Variants in CABIN1 observed in about 807,000 individuals in gnomAD.
CABIN1 encodes calcineurin binding protein 1.
In CABIN1, 133 loss-of-function variants were observed where a neutral mutation model predicts 227.7. The ratio of observed to expected loss-of-function variants is 0.58; its 90% confidence interval spans 0.51 to 0.67. The LOEUF (loss-of-function observed/expected upper bound fraction) is 0.67, where lower values mean the gene tolerates loss of function less well. Among genes scored for constraint, CABIN1 ranks in the 30% least tolerant of loss-of-function variants. CABIN1 has a pLI of 0.00. For synonymous variants in CABIN1, 1,086 were observed against 1,155.1 expected, an observed-to-expected ratio of 0.94 and a Z score of 1.21; for missense variants, 2,408 against 2,852.5, an observed-to-expected ratio of 0.84 and a Z score of 3.55.
intron 27 of CABIN1, among the ~76,000 whole-genome samples, chr22:24,115,479 A>G (rs997757076): frequency 6.6e-6 from 1 of 152,324 alleles, no homozygotes; most frequent in Middle Eastern, 3.4e-3. Flanking sequence ...TTCCATGGCC[A>G]TGTTGCTCCT....
intron 20 of CABIN1, 134 bp from the exon 21 acceptor site, chr22:24,084,445 G>A (rs1425481787): frequency 2.5e-6 from 2 of 808,230 alleles, no homozygotes; most frequent in African/African-American, 1.7e-5. Context: ...GTATAATGGG[G>A]ATTTGTTTTA....
In CABIN1 at chr22:24,169,436, C is replaced by T. The variant is rs527877551; in HGVS notation, c.5757+915C>T. On this transcript the variant is annotated intron_variant, in intron 33 of 36. Coordinates refer to ENST00000263119, the MANE Select transcript of CABIN1 (RefSeq NM_012295.4). The stretch of plus-strand genomic sequence containing the variant: ...GGAATGGAGCCTCAGGCCCCCACCA[C>T]CTGCCTGGGCTATTACGTCTGCGGA... 4.6e-5 allele frequency among the ~76,000 whole-genome samples: 7 copies of T among 152,330 alleles called. No homozygotes were observed. The South Asian group carries it at 1.5e-3, about 32-fold the overall frequency.
intron 31 of CABIN1, among the ~76,000 whole-genome samples, chr22:24,166,329 TG>T (rs1366828651): frequency 2.0e-5 from 3 of 152,212 alleles, no homozygotes; most frequent in Admixed American, 1.3e-4. Context: ...TGGGCAATGC[TG>T]CCCCAGCTCA....
chr22:24,095,978 C>T lies in CABIN1; in HGVS notation c.3834C>T (p.Pro1278=), dbSNP rs761936081. ...CCATCCTGAAGCTCCTGGGGAAGCC[C>T]GATTCTGGGGTTGGTGCAGAGGTCC... is the stretch of plus-strand genomic sequence containing the variant. ...HASILKLLGK[P]DSGVGAEVLV... Residue 1278 remains proline (P), a synonymous_variant, in exon 25 of 37, where the codon CCC becomes CCT. Coordinates refer to ENST00000263119, the MANE Select transcript of CABIN1 (RefSeq NM_012295.4). The T allele has an allele frequency of 5.6e-6, 9 of 1,614,028 alleles. No homozygotes were observed. Among genetic ancestry groups the T allele is most frequent in the Non-Finnish European group, 7.6e-6 (9 of 1,179,990 alleles).
Position 24,064,194 on chromosome 22 carries a change from G to A in CABIN1, c.2037+7G>A. On this transcript the variant is annotated splice_region_variant and intron_variant, in intron 15 of 36. Transcript: ENST00000263119. ...TGTGGTTTCCCTGGAGGAGGTAAGT[G>A]AGAATTTTCGTTTGTTTGTTTGTTT... 8.1e-6 allele frequency: 13 copies of A among 1,614,132 alleles called. No homozygotes were observed. The highest frequency in any genetic ancestry group is 1.0e-5 in the Non-Finnish European group (12 of 1,180,024).
Position 24,161,447 on chromosome 22 carries a change from G to A in CABIN1, c.4747-2953G>A, listed in dbSNP as rs117687181. On this transcript the variant is annotated intron_variant, in intron 29 of 36. Transcript: ENST00000263119. The stretch of plus-strand genomic sequence containing the variant: ...GTGGAACTGGGAGAGGCGAGGCAAG[G>A]GGTACGGCCAGAGCAGCGGGACCCA... Among the ~76,000 whole-genome samples, 56 of 152,292 alleles carry A rather than the reference G, an allele frequency of 3.7e-4. No individual in the cohort carries two copies. In the East Asian group the frequency reaches 0.011, roughly 29 times the overall value.
rs149965767 is a variant in CABIN1 at position 24,083,225 on chromosome 22, C to T, written c.2749-3C>T. On this transcript the variant is annotated splice_region_variant and splice_polypyrimidine_tract_variant and intron_variant, in intron 19 of 36. Coordinates refer to ENST00000263119, the MANE Select transcript of CABIN1 (RefSeq NM_012295.4). ...CTCAGGCCATCTCTTCTGCCCACCA[C>T]AGGTGCGAGTACTCCAGAAGGAACT... The T allele has an allele frequency of 5.0e-3, 8,067 of 1,612,144 alleles. 31 individuals are homozygous for T. The highest frequency in any genetic ancestry group is 5.8e-3 in the Non-Finnish European group (6,858 of 1,179,948).
At position 24,117,546 on chromosome 22, in the gene CABIN1, G is replaced by T. The variant is rs376964103; in HGVS notation, c.4301-1821G>T. On this transcript the variant is annotated intron_variant, in intron 27 of 36. Transcript: ENST00000263119. ...CAGGGGTTTTTTTGTTTGTTTTTTT[G>T]GGGGGGGGGTTAGGTTTAATAGGCA... 5.0e-3 allele frequency among the ~76,000 whole-genome samples: 414 copies of T among 82,148 alleles called. 1 individual carries two copies. The highest frequency in any genetic ancestry group is 0.019 in the African/African-American group (271 of 14,628). 53.9% of individuals were successfully genotyped at this position (82,148 alleles called of 152,430 possible). A position where few individuals can be genotyped will look rare whatever the true frequency, so the allele number is the denominator to read the frequency against.
At chr22:24,051,756 T>G (rs1015308212) in intron 8 of CABIN1, among the ~76,000 whole-genome samples, 1 of 151,956 alleles carries the variant, frequency 6.6e-6, no homozygotes, top group African/African-American at 2.4e-5. Flanking sequence ...TAGGAGCCAC[T>G]CCCTAGCAAC....
rs1290113645 is a variant in CABIN1, at chr22:24,061,982, C to G, written c.1653C>G (p.Leu551=). The G allele has an allele frequency of 1.2e-6, 2 of 1,614,092 alleles. No homozygotes were observed. The highest frequency in any genetic ancestry group is 3.3e-5 in the Admixed American group (2 of 60,026). The change falls in exon 13 of 37, where the codon CTC becomes CTG. Residue 551 remains leucine (L), a synonymous_variant. Coordinates refer to ENST00000263119, the MANE Select transcript of CABIN1 (RefSeq NM_012295.4). The part of the protein sequence containing the change: ...MMLMSLSCME[L]QLDQWLLTKG... ...TGATGTCTCTCTCCTGCATGGAACT[C>G]CAGCTGGACCAGTGGCTGCTGACCA...
intron 1 of CABIN1, among the ~76,000 whole-genome samples, chr22:24,012,775 G>T (rs1173825221): frequency 3.3e-5 from 5 of 152,142 alleles, no homozygotes; most frequent in Admixed American, 6.5e-5. Context: ...TTGTGTGTGT[G>T]TGTGTGACGG....
chr22:24,026,651 C>T (rs1183187946), intron 1 of CABIN1, among the ~76,000 whole-genome samples: 1 of 152,102 alleles, frequency 6.6e-6, no homozygotes, highest in Non-Finnish European at 1.5e-5. Context: ...AAGATTCTTT[C>T]TCCATTGAAT....
At chr22:24,059,141 A>G in intron 10 of CABIN1, 86 bp from the exon 11 acceptor site, 1 of 1,566,224 alleles carries the variant, frequency 6.4e-7, no homozygotes, top group Non-Finnish European at 8.8e-7. Context: ...TTCCTGACTC[A>G]GATTTAGTTT....
intron 25 of CABIN1, 50 bp downstream of exon 25, chr22:24,096,132 C>T (rs2041880051): frequency 1.3e-6 from 2 of 1,587,224 alleles, no homozygotes; most frequent in South Asian, 2.2e-5. Context: ...CATCTGCATC[C>T]CAGATGGCTC....
chr22:24,133,925 A>C (rs1430535963), intron 28 of CABIN1, among the ~76,000 whole-genome samples: 1 of 152,194 alleles, frequency 6.6e-6, no homozygotes, highest in Non-Finnish European at 1.5e-5. Flanking sequence ...AAGGAACGCT[A>C]CTGATTCCTG....
intron 4 of CABIN1, 51 bp downstream of exon 4, chr22:24,038,512 T>C (rs774225516): frequency 7.6e-7 from 1 of 1,323,112 alleles, no homozygotes; most frequent in Non-Finnish European, 1.1e-6. Context: ...GTGCATGGGC[T>C]GTGGGGCTGG....
chr22:24,071,083 G>A, intron 17 of CABIN1, 41 bp downstream of exon 17: 2 of 1,613,916 alleles, frequency 1.2e-6, no homozygotes, highest in South Asian at 2.2e-5. Flanking sequence ...GCCCCAGCAG[G>A]TATGTCTCTG....
chr22:24,074,308 C>T (rs1407292638), intron 18 of CABIN1, among the ~76,000 whole-genome samples: 1 of 151,120 alleles, frequency 6.6e-6, no homozygotes, highest in Non-Finnish European at 1.5e-5. Flanking sequence ...TTGAAAAGTA[C>T]ATCAAAGAAA....
At chr22:24,169,157 C>T (rs1029520280) in intron 33 of CABIN1, among the ~76,000 whole-genome samples, 10 of 151,964 alleles carry the variant, frequency 6.6e-5, no homozygotes, top group Non-Finnish European at 1.5e-4. Flanking sequence ...GGTGGGAGGG[C>T]TGGGATCAGA....
Sources: allele counts gnomAD v4.1 joint callset (sites outside exome capture counted in the v4.1 genomes callset), GRCh38; gene constraint gnomAD v4.1.1; transcripts MANE v1.5; gene names NCBI Gene and HGNC (gene_info 2026-07-23, HGNC 2026-07-21).